Variants in RTN1 observed in about 807,000 individuals in gnomAD.
RTN1 encodes the protein reticulon 1, also known as reticulon-1.
RTN1 carries 25 observed loss-of-function variants against 65.5 expected under a neutral mutation model. The ratio of observed to expected loss-of-function variants is 0.38; its 90% CI spans 0.28 to 0.53. The LOEUF is 0.53. Ranked by LOEUF, RTN1 falls within the 20% of genes least tolerant of loss-of-function variation. The probability of loss-of-function intolerance (pLI) is 0.79; values close to 1 mark genes in which losing one functional copy is unlikely to be tolerated. For synonymous variants in RTN1, 471 were observed against 447.6 expected, an observed-to-expected ratio of 1.05 and a Z score of -0.66; for missense variants, 983 against 1,025.4, an observed-to-expected ratio of 0.96 and a Z score of 0.57.
At position 59,805,397 on chromosome 14, in the gene RTN1, G is replaced by C. The variant is rs146234258; in HGVS notation, c.242-58916C>G. The stretch of plus-strand genomic sequence containing the variant: ...CAGGTTCACAGGCTTAACAGGGGAA[G>C]AGAGAGTTGTGACCAGCCTGGAGCA... On this transcript the variant is annotated intron_variant, in intron 1 of 8. Transcript: ENST00000267484. 6.3e-4 allele frequency among the ~76,000 whole-genome samples: 96 copies of C among 152,300 alleles called. 1 individual carries two copies. The East Asian group carries it at 0.016, about 26-fold the overall frequency.
At chr14:59,770,214 C>A (rs1201018431) in intron 1 of RTN1, among the ~76,000 whole-genome samples, 1 of 151,476 alleles carries the variant, frequency 6.6e-6, no homozygotes, top group Non-Finnish European at 1.5e-5. Context: ...CCCGTATCTA[C>A]TAAAAATACA....
chr14:59,826,081 T>A lies in RTN1; in HGVS notation c.241+44309A>T, dbSNP rs1169048049. ...CATGGGAAAGCAAGAAACCACAATA[T>A]CAGGAGTTTAGAAAAGCACCAACAA... On this transcript the variant is annotated intron_variant, in intron 1 of 8. Transcript: ENST00000267484. Among the ~76,000 whole-genome samples, 5 of 152,178 alleles carry A rather than the reference T, an allele frequency of 3.3e-5. No homozygotes were observed. The East Asian group carries it at 5.8e-4, about 18-fold the overall frequency.
chr14:59,804,991 A>C (rs1011984035), intron 1 of RTN1, among the ~76,000 whole-genome samples: 4 of 152,242 alleles, frequency 2.6e-5, no homozygotes, highest in Non-Finnish European at 5.9e-5. Flanking sequence ...TAATGTCTTC[A>C]CAAAGAGAAG....
chr14:59,849,308 C>G lies in RTN1; in HGVS notation c.241+21082G>C, dbSNP rs1594766361. Among the ~76,000 whole-genome samples, 1 of 152,142 alleles carries G rather than the reference C, an allele frequency of 6.6e-6. No individual in the cohort carries two copies. The highest frequency in any genetic ancestry group is 1.9e-4 in the East Asian group (1 of 5,200). ...CTCTTTTATCTATTTCCTCTCTTTT[C>G]CTTAACTACTCCCTGTTCCCCAAAG... On this transcript the variant is annotated intron_variant, in intron 1 of 8. Coordinates refer to ENST00000267484, the MANE Select transcript of RTN1 (RefSeq NM_021136.3). This position sits in a 1 kb window ranked among gnomAD's most constrained non-coding sequence, Gnocchi z 4.5.
intron 1 of RTN1, among the ~76,000 whole-genome samples, chr14:59,750,212 A>AATATATCTATAATATAT (rs1885439494): frequency 3.5e-5 from 1 of 28,822 alleles, no homozygotes; most frequent in Admixed American, 8.3e-4. Context: ...AATATATAAT[A>AATATATCTATAATATAT]TATATATTAT....
At chr14:59,765,972 G>A (rs1474584264) in intron 1 of RTN1, among the ~76,000 whole-genome samples, 3 of 152,202 alleles carry the variant, frequency 2.0e-5, no homozygotes, top group Non-Finnish European at 4.4e-5. Context: ...GCTCACGCCT[G>A]TAATCCCAGC....
chr14:59,642,425 T>G (rs1882799878), intron 3 of RTN1, among the ~76,000 whole-genome samples: 1 of 152,166 alleles, frequency 6.6e-6, no homozygotes, highest in Non-Finnish European at 1.5e-5. Context: ...TCTTTTCTCC[T>G]CTTCTATGAA....
chr14:59,657,702 G>A (rs1883151389), intron 3 of RTN1, among the ~76,000 whole-genome samples: 1 of 152,208 alleles, frequency 6.6e-6, no homozygotes, highest in Non-Finnish European at 1.5e-5. Context: ...GAGGAATGGT[G>A]CATTCTGGCC....
intron 3 of RTN1, among the ~76,000 whole-genome samples, chr14:59,639,281 C>T (rs1882728178): frequency 6.6e-6 from 1 of 152,106 alleles, no homozygotes; most frequent in Non-Finnish European, 1.5e-5. Flanking sequence ...GTTGTCATAA[C>T]TAGAAAAGAG....
intron 1 of RTN1, among the ~76,000 whole-genome samples, chr14:59,748,653 G>C (rs1334438296): frequency 2.0e-5 from 3 of 151,854 alleles, no homozygotes; most frequent in Non-Finnish European, 2.9e-5. Flanking sequence ...CTCTTGCTAG[G>C]TGAGCTCACA....
intron 3 of RTN1, among the ~76,000 whole-genome samples, chr14:59,655,395 A>G (rs1883102871): frequency 6.6e-6 from 1 of 152,238 alleles, no homozygotes; most frequent in Non-Finnish European, 1.5e-5. Context: ...ATAAATCTGT[A>G]GATTCAAACA....
chr14:59,801,873 C>A (rs1294423810), intron 1 of RTN1, among the ~76,000 whole-genome samples: 1 of 152,190 alleles, frequency 6.6e-6, no homozygotes, highest in African/African-American at 2.4e-5. Context: ...ATGTAAAAAT[C>A]TGTGTTCGTG....
At chr14:59,867,568 T>C (rs1887821526) in intron 1 of RTN1, among the ~76,000 whole-genome samples, 1 of 152,224 alleles carries the variant, frequency 6.6e-6, no homozygotes, top group South Asian at 2.1e-4. Context: ...ATGTTTAAAC[T>C]TATATTCATT....
chr14:59,641,790 C>T (rs1882786701), intron 3 of RTN1, among the ~76,000 whole-genome samples: 1 of 152,226 alleles, frequency 6.6e-6, no homozygotes, highest in African/African-American at 2.4e-5. Flanking sequence ...CTTACAACAT[C>T]AAACTCCCTT....
intron 2 of RTN1, among the ~76,000 whole-genome samples, chr14:59,733,018 G>A (rs1394072236): frequency 6.6e-6 from 1 of 152,050 alleles, no homozygotes; most frequent in South Asian, 2.1e-4. Context: ...AAATGGTCCA[G>A]TGAAGGAAGG....
intron 1 of RTN1, among the ~76,000 whole-genome samples, chr14:59,850,194 C>A (rs1418557996): frequency 6.6e-6 from 1 of 152,144 alleles, no homozygotes; most frequent in East Asian, 1.9e-4. Flanking sequence ...TACAGGTGCT[C>A]CTCAACTTAT....
Position 59,870,353 on chromosome 14 carries a change from C to T in RTN1, c.241+37G>A. 6.8e-7 allele frequency: 1 copy of T among 1,465,210 alleles called. No homozygotes were observed. Among genetic ancestry groups the T allele is most frequent in the South Asian group, 1.4e-5 (1 of 71,456 alleles). 90.8% of individuals were successfully genotyped at this position (1,465,210 alleles called of 1,614,324 possible). On this transcript the variant is annotated intron_variant, in intron 1 of 8. Coordinates refer to ENST00000267484, the MANE Select transcript of RTN1 (RefSeq NM_021136.3). This position sits in a 1 kb window ranked among gnomAD's most constrained non-coding sequence, Gnocchi z 5.1. ...GGGGACTGACTGGGGGGCCCTGGTC[C>T]CCGACGCCATTTGAGGGGCAGCGGC...
At chr14:59,749,206 AT>A (rs1355880975) in intron 1 of RTN1, among the ~76,000 whole-genome samples, 1 of 94,180 alleles carries the variant, frequency 1.1e-5, no homozygotes, top group Non-Finnish European at 1.8e-5. Context: ...ATCTATATAT[AT>A]ATCTATATAT....
chr14:59,644,886 G>T (rs960116505), intron 3 of RTN1, among the ~76,000 whole-genome samples: 1 of 152,094 alleles, frequency 6.6e-6, no homozygotes, highest in Non-Finnish European at 1.5e-5. Context: ...TCCTGACTGG[G>T]GTCACCAGCC....
Sources: allele counts gnomAD v4.1 joint callset (sites outside exome capture counted in the v4.1 genomes callset), GRCh38; gene constraint gnomAD v4.1.1; non-coding constraint Gnocchi (gnomAD v3.1); transcripts MANE v1.5; gene names NCBI Gene and HGNC (gene_info 2026-07-23, HGNC 2026-07-21).